ABCB4: variants seen among roughly 807,000 people sequenced by gnomAD.
ABCB4 encodes ATP binding cassette subfamily B member 4.
A neutral mutation model predicts 145.7 loss-of-function variants in ABCB4; 76 were observed. That is an observed-to-expected ratio of 0.52 (90% confidence interval 0.43 to 0.63). The LOEUF (loss-of-function observed/expected upper bound fraction) is 0.63, where lower values mean the gene tolerates loss of function less well. ABCB4 is among the 30% of genes least tolerant of loss of function. The pLI is 0.00. For missense variants in ABCB4, 1,234 were observed against 1,553.1 expected (o/e 0.79, Z 3.45); for synonymous variants, 517 against 566.8 (o/e 0.91, Z 1.25).
At chr7:87,379,878 C>T in the ABCB4 span, among the ~76,000 whole-genome samples, 6 of 152,188 alleles carry the variant, frequency 3.9e-5, no homozygotes, top group Middle Eastern at 3.4e-3. Context: ...CTTTGGGAGA[C>T]GAAGGTGGGA....
chr7:87,379,120 A>AG, the ABCB4 span, among the ~76,000 whole-genome samples: 1 of 152,132 alleles, frequency 6.6e-6, no homozygotes, highest in Non-Finnish European at 1.5e-5. Context: ...ACCCTTTGTA[A>AG]GGTGGTTAAC....
At chr7:87,464,305 C>A (rs1584785854) in intron 3 of ABCB4, among the ~76,000 whole-genome samples, 1 of 152,238 alleles carries the variant, frequency 6.6e-6, no homozygotes, top group East Asian at 1.9e-4. Flanking sequence ...ACACACAGGG[C>A]AAGCAAGAGA....
intron 17 of ABCB4, 90 bp downstream of exon 17, chr7:87,423,816 C>T: frequency 1.9e-6 from 3 of 1,546,566 alleles, no homozygotes; most frequent in Non-Finnish European, 2.7e-6. Context: ...GCTGCTTAAT[C>T]CCAGAATGGA....
chr7:87,427,491 G>T (rs1176435872), intron 15 of ABCB4, among the ~76,000 whole-genome samples: 1 of 152,156 alleles, frequency 6.6e-6, no homozygotes, highest in African/African-American at 2.4e-5. Flanking sequence ...TGGGAATGGG[G>T]GTGGGGGTGC....
chr7:87,407,236 G>GA (rs1301534434), intron 25 of ABCB4, among the ~76,000 whole-genome samples: 2 of 152,106 alleles, frequency 1.3e-5, no homozygotes, highest in Non-Finnish European at 2.9e-5. Context: ...TCTCAATAAA[G>GA]AAAAAAATTC....
intron 25 of ABCB4, among the ~76,000 whole-genome samples, chr7:87,406,982 C>T (rs1214559039): frequency 1.3e-5 from 2 of 152,202 alleles, no homozygotes; most frequent in African/African-American, 2.4e-5. Flanking sequence ...CTAGCCTTAA[C>T]TTTCCCTCAC....
At chr7:87,437,636 G>T (rs1810698978) in intron 14 of ABCB4, among the ~76,000 whole-genome samples, 1 of 152,132 alleles carries the variant, frequency 6.6e-6, no homozygotes, top group African/African-American at 2.4e-5. Context: ...CAGTATCTTG[G>T]TTATTCTTTA....
chr7:87,439,862 TCTTGAAGTAA>T (rs771982356), intron 13 of ABCB4, 25 bp from the exon 14 acceptor site: 1 of 1,614,144 alleles, frequency 6.2e-7, no homozygotes, highest in Non-Finnish European at 8.5e-7. Context: ...ATGGATCAGC[TCTTGAAGTAA>T]CTTAAATTTA....
At chr7:87,426,989 G>A (rs1284370230) in intron 15 of ABCB4, 69 bp from the exon 16 acceptor site, 12 of 1,248,452 alleles carry the variant, frequency 9.6e-6, no homozygotes, top group South Asian at 2.5e-5. Flanking sequence ...GTCTCCAAAT[G>A]GATGTAACCT....
At chr7:87,391,661 C>A in the ABCB4 span, 1 of 1,611,950 alleles carries the variant, frequency 6.2e-7, no homozygotes, top group South Asian at 1.1e-5. Flanking sequence ...TGCGATCATG[C>A]ACAGTTGAAG....
chr7:87,424,400 G>A (rs1262137138), intron 16 of ABCB4, among the ~76,000 whole-genome samples: 1 of 152,178 alleles, frequency 6.6e-6, no homozygotes, highest in African/African-American at 2.4e-5. Flanking sequence ...TGACAGTCAT[G>A]GCTGGACCAC....
intron 12 of ABCB4, among the ~76,000 whole-genome samples, chr7:87,441,695 C>G (rs1562977598): frequency 1.3e-5 from 2 of 151,980 alleles, no homozygotes; most frequent in Admixed American, 1.3e-4. Context: ...AACTCCTGGG[C>G]TCAAGTGATC....
At chr7:87,428,060 A>G (rs906371355) in intron 15 of ABCB4, among the ~76,000 whole-genome samples, 8 of 152,150 alleles carry the variant, frequency 5.3e-5, no homozygotes, top group Non-Finnish European at 1.2e-4. Flanking sequence ...AATCTAGCTC[A>G]TGGCAAGTCA....
chr7:87,437,931 G>A (rs781309840), intron 14 of ABCB4, among the ~76,000 whole-genome samples: 10 of 152,186 alleles, frequency 6.6e-5, no homozygotes, highest in African/African-American at 1.9e-4. Flanking sequence ...TATAGAACAC[G>A]AAGAAACAGC....
At position 87,443,340 on chromosome 7, in the gene ABCB4, G is replaced by C. The variant is rs1220104971; in HGVS notation, c.1335C>G (p.Leu445=). ...KSTTVQLIQR[L]YDPDEGTINI... ...TTACTGTGCCCTCATCAGGGTCATA[G>C]AGCCTCTGTATCAGCTGGACCGTTG... Residue 445 remains leucine (L), a synonymous_variant, in exon 12 of 28, where the codon CTC becomes CTG. Transcript: ENST00000649586. 6.2e-7 allele frequency: 1 copy of C among 1,614,032 alleles called. No individual in the cohort carries two copies. Among genetic ancestry groups the C allele is most frequent in the Non-Finnish European group, 8.5e-7 (1 of 1,179,976 alleles).
chr7:87,368,653 G>T, the ABCB4 span, among the ~76,000 whole-genome samples: 1 of 152,158 alleles, frequency 6.6e-6, no homozygotes, highest in Non-Finnish European at 1.5e-5. Context: ...CCTTCAAGCG[G>T]CAGTGTATGT....
At chr7:87,411,805 G>T in intron 23 of ABCB4, 88 bp downstream of exon 23, 1 of 1,258,142 alleles carries the variant, frequency 7.9e-7, no homozygotes, top group South Asian at 1.3e-5. Context: ...TTTGGACACA[G>T]GAGTCATTTT....
intron 23 of ABCB4, among the ~76,000 whole-genome samples, chr7:87,410,485 G>A (rs1485019531): frequency 1.3e-5 from 2 of 152,248 alleles, no homozygotes; most frequent in South Asian, 2.1e-4. Context: ...ACTGCCTAAA[G>A]CTGTCTTCTA....
chr7:87,424,836 C>G (rs1016752442), intron 16 of ABCB4, among the ~76,000 whole-genome samples: 2 of 151,952 alleles, frequency 1.3e-5, no homozygotes, highest in South Asian at 4.2e-4. Flanking sequence ...AATGTCTGGC[C>G]AAGCATGCAG....
Sources: allele counts gnomAD v4.1 joint callset (sites outside exome capture counted in the v4.1 genomes callset), GRCh38; gene constraint gnomAD v4.1.1; transcripts MANE v1.5; gene names NCBI Gene and HGNC (gene_info 2026-07-23, HGNC 2026-07-21).